The following NAA35 variants were observed in gnomAD, a reference collection of about 807,000 sequenced individuals.
NAA35 encodes N-alpha-acetyltransferase 35, NatC auxiliary subunit, also known as MAK10 homolog, amino-acid N-acetyltransferase subunit.
Under a neutral mutation model 101.7 loss-of-function variants are expected in NAA35, and 18 were observed. That is an observed-to-expected ratio of 0.18 (90% CI 0.12 to 0.26). The LOEUF is 0.26. Ranked by LOEUF, NAA35 falls within the 10% of genes least tolerant of loss-of-function variation. The pLI is 1.00. For missense variants in NAA35, 601 were observed against 886.8 expected (o/e 0.68, Z 4.09); for synonymous variants, 267 against 273.1 (o/e 0.98, Z 0.22).
chr9:85,948,759 T>C (rs1048481231), intron 2 of NAA35, among the ~76,000 whole-genome samples: 1 of 152,148 alleles, frequency 6.6e-6, no homozygotes, highest in Non-Finnish European at 1.5e-5. Context: ...ACCTTTATTT[T>C]ATTTTATTTT....
intron 17 of NAA35, among the ~76,000 whole-genome samples, chr9:86,016,208 C>G (rs754398042): frequency 1.3e-5 from 2 of 151,644 alleles, no homozygotes; most frequent in African/African-American, 2.4e-5. Context: ...AATTTTTTAT[C>G]TTTTTCTGAT....
intron 17 of NAA35, chr9:86,015,539 A>C (rs890898372): frequency 1.7e-5 from 3 of 179,842 alleles, no homozygotes; most frequent in African/African-American, 7.2e-5. Flanking sequence ...AAGTTCCTAG[A>C]ATTCCTGACC....
At chr9:85,993,300 G>A (rs1461867337) in intron 11 of NAA35, among the ~76,000 whole-genome samples, 1 of 152,178 alleles carries the variant, frequency 6.6e-6, no homozygotes, top group East Asian at 1.9e-4. Context: ...AGCCTCCTGG[G>A]TAGCTGGGAT....
chr9:85,988,330 G>A (rs1830737789), intron 11 of NAA35, among the ~76,000 whole-genome samples: 1 of 152,114 alleles, frequency 6.6e-6, no homozygotes, highest in Non-Finnish European at 1.5e-5. Flanking sequence ...TTTAAAAATG[G>A]CCTCTATAGA....
At chr9:85,986,367 G>T in intron 11 of NAA35, 1 of 467,602 alleles carries the variant, frequency 2.1e-6, no homozygotes. Context: ...ATCTAACAGT[G>T]TTGTAGGTGA....
intron 17 of NAA35, among the ~76,000 whole-genome samples, chr9:86,014,973 C>T (rs974498903): frequency 2.0e-5 from 3 of 151,774 alleles, no homozygotes; most frequent in African/African-American, 7.3e-5. Context: ...GCCATGTTGC[C>T]CGGGTTGGTC....
chr9:85,997,504 G>T (rs1831215103), intron 12 of NAA35, among the ~76,000 whole-genome samples: 1 of 151,968 alleles, frequency 6.6e-6, no homozygotes, highest in African/African-American at 2.4e-5. Context: ...ACCATGCATG[G>T]CTAATTTTTT....
At chr9:85,986,052 A>G (rs1830633436) in intron 11 of NAA35, among the ~76,000 whole-genome samples, 1 of 152,138 alleles carries the variant, frequency 6.6e-6, no homozygotes, top group Non-Finnish European at 1.5e-5. Flanking sequence ...ACACAAGATA[A>G]TAGCTGAGCA....
chr9:85,941,342 G>A lies in NAA35; in HGVS notation c.-6+69G>A. 3 of 985,572 alleles carry A rather than the reference G, an allele frequency of 3.0e-6. No individual in the cohort carries two copies. The South Asian group carries it at 1.4e-4, about 46-fold the overall frequency. 61.1% of individuals were successfully genotyped at this position (985,572 alleles called of 1,614,324 possible). A position where few individuals can be genotyped will look rare whatever the true frequency, so the allele number is the denominator to read the frequency against. ...GTGTCCGAGAGCCGCAGCCCCCCGCGCGTGTGGCAGATCCTGGGGACCCCA... is the reference window on the plus strand; with the variant it reads ...GTGTCCGAGAGCCGCAGCCCCCCGCACGTGTGGCAGATCCTGGGGACCCCA... On this transcript the variant is annotated intron_variant, in intron 1 of 22. Coordinates refer to ENST00000361671, the MANE Select transcript of NAA35 (RefSeq NM_024635.4).
At chr9:85,951,548 C>G (rs1829020008) in intron 2 of NAA35, among the ~76,000 whole-genome samples, 1 of 152,214 alleles carries the variant, frequency 6.6e-6, no homozygotes, top group Non-Finnish European at 1.5e-5. Context: ...ATTGCTCTTT[C>G]TTGAACTTTG....
chr9:86,003,758 T>C (rs1831514032), intron 13 of NAA35, 114 bp downstream of exon 13: 5 of 567,750 alleles, frequency 8.8e-6, no homozygotes, highest in Non-Finnish European at 1.4e-5. Context: ...CCAGTTAGTG[T>C]TGTGTATTTT....
rs78280265 is a variant in NAA35, at chr9:85,951,739, C to T, written c.125-4621C>T. Among the ~76,000 whole-genome samples, 3,238 of 152,254 alleles carry T rather than the reference C, an allele frequency of 0.021. 372 individuals carry two copies. In the East Asian group the frequency reaches 0.36, roughly 17 times the overall value. On this transcript the variant is annotated intron_variant, in intron 2 of 22. Transcript: ENST00000361671. ...GGCATGATCTCTGCTCACTGCCACC[C>T]CTGCCTCTGGGTTCAAGGGATTCTC... is the stretch of plus-strand genomic sequence containing the variant.
chr9:85,979,212 G>A (rs896558093), intron 11 of NAA35, among the ~76,000 whole-genome samples: 9 of 152,202 alleles, frequency 5.9e-5, no homozygotes, highest in Admixed American at 5.2e-4. Flanking sequence ...AAAGGAGACA[G>A]GATCATTTAT....
At chr9:85,974,838 A>G (rs956224656) in intron 6 of NAA35, 129 bp from the exon 7 acceptor site, 2 of 651,460 alleles carry the variant, frequency 3.1e-6, no homozygotes, top group South Asian at 2.0e-5. Flanking sequence ...GACAAGCAGG[A>G]TGACCTCCCA....
At chr9:85,994,808 A>G (rs563002090) in intron 11 of NAA35, among the ~76,000 whole-genome samples, 1 of 152,298 alleles carries the variant, frequency 6.6e-6, no homozygotes, top group African/African-American at 2.4e-5. Flanking sequence ...AATATGTTCT[A>G]TTATTTGATA....
chr9:85,941,647 G>T, intron 1 of NAA35: 7 of 986,396 alleles, frequency 7.1e-6, no homozygotes, highest in Non-Finnish European at 8.4e-6. Flanking sequence ...ACCCTGCGGT[G>T]CCTGCCGGCT....
intron 6 of NAA35, 138 bp from the exon 7 acceptor site, chr9:85,974,829 A>G: frequency 1.6e-6 from 1 of 625,784 alleles, no homozygotes; most frequent in East Asian, 2.8e-5. Flanking sequence ...CAATATTTAG[A>G]CAAGCAGGAT....
At position 85,957,800 on chromosome 9, in the gene NAA35, A is replaced by G. The variant is rs1587569797; in HGVS notation, c.159-672A>G. Among the ~76,000 whole-genome samples the G allele has an allele frequency of 2.6e-5, 4 of 152,328 alleles. No individual in the cohort carries two copies. In the South Asian group the frequency reaches 8.3e-4, roughly 32 times the overall value. On this transcript the variant is annotated intron_variant, in intron 3 of 22. Coordinates refer to ENST00000361671, the MANE Select transcript of NAA35 (RefSeq NM_024635.4). ...GACATTGTGGTTGCAGGGAAGGGGA[A>G]GTAGAATCTGAAATTCAGTTCTTCT... is the stretch of plus-strand genomic sequence containing the variant.
At chr9:85,949,690 C>T (rs923850362) in intron 2 of NAA35, among the ~76,000 whole-genome samples, 1 of 151,954 alleles carries the variant, frequency 6.6e-6, no homozygotes, top group Admixed American at 6.6e-5. Context: ...AACTTTGAAT[C>T]ATTACAACTA....
Sources: gnomAD v4.1 joint callset for allele counts (sites outside exome capture counted in the v4.1 genomes callset) on GRCh38, gnomAD v4.1.1 for gene constraint, MANE v1.5 for transcripts, NCBI Gene and HGNC (gene_info 2026-07-23, HGNC 2026-07-21) for gene names.